SKAP1: variants seen among roughly 807,000 people sequenced by gnomAD.
SKAP1 encodes the protein src kinase-associated phosphoprotein 1.
In SKAP1, 44 loss-of-function variants were observed where a neutral mutation model predicts 58.5. The ratio of observed to expected loss-of-function variants is 0.75; its 90% CI spans 0.59 to 0.97. The LOEUF is 0.97. SKAP1 is among the 50% of genes least tolerant of loss of function. The pLI is 0.00. For missense variants in SKAP1, 390 were observed against 435.2 expected (o/e 0.90, Z 0.92); for synonymous variants, 127 against 149.7 (o/e 0.85, Z 1.11).
intron 2 of SKAP1, among the ~76,000 whole-genome samples, chr17:48,394,061 C>A (rs1340310536): frequency 6.6e-6 from 1 of 152,008 alleles, no homozygotes; most frequent in Non-Finnish European, 1.5e-5. Flanking sequence ...CACAGTGACA[C>A]CCTGTCTCTA....
At chr17:48,250,286 T>G (rs1046402484) in intron 4 of SKAP1, among the ~76,000 whole-genome samples, 4 of 122,906 alleles carry the variant, frequency 3.3e-5, no homozygotes, top group Admixed American at 7.6e-5. Context: ...TTTTTTTTTT[T>G]TTTTTTTTTT....
intron 4 of SKAP1, among the ~76,000 whole-genome samples, chr17:48,299,474 C>T (rs987914933): frequency 6.6e-6 from 1 of 152,154 alleles, no homozygotes; most frequent in Non-Finnish European, 1.5e-5. Flanking sequence ...GGGAGGCTGT[C>T]ACTCTGTGGC....
intron 2 of SKAP1, among the ~76,000 whole-genome samples, chr17:48,387,221 A>G (rs1269227606): frequency 1.3e-5 from 2 of 152,248 alleles, no homozygotes; most frequent in Admixed American, 6.5e-5. Flanking sequence ...ATTCTTTTAA[A>G]GAATAGTATC....
intron 4 of SKAP1, among the ~76,000 whole-genome samples, chr17:48,258,060 C>A (rs2065446041): frequency 6.6e-6 from 1 of 152,052 alleles, no homozygotes; most frequent in South Asian, 2.1e-4. Flanking sequence ...TCATGACACA[C>A]TAGTGCTTTA....
chr17:48,444,382 T>G, the SKAP1 span, among the ~76,000 whole-genome samples: 1 of 152,124 alleles, frequency 6.6e-6, no homozygotes, highest in Non-Finnish European at 1.5e-5. Context: ...AGGGTGAGAC[T>G]CCGTCTCAAA....
rs555739301 is a variant in SKAP1, at chr17:48,162,537, C to G, written c.910G>C (p.Asp304His). ...TCATCTGGCTGGTCACCATGGCAAT[C>G]CCATAGGCCCTGGTAGTAACTGGCA... ...DYASYYQGLW[D>H]CHGDQPDELS... is the part of the protein sequence containing the mutation. The change falls in exon 11 of 13, where the codon GAT becomes CAT. Residue 304 changes from aspartate to histidine, a missense_variant. Asp to His is a moderately conservative substitution (Grantham distance 81). Transcript: ENST00000336915. The G allele has an allele frequency of 6.2e-7, 1 of 1,613,696 alleles. No homozygotes were observed. The highest frequency in any genetic ancestry group is 1.1e-5 in the South Asian group (1 of 91,014).
intron 4 of SKAP1, among the ~76,000 whole-genome samples, chr17:48,194,904 G>C (rs940989763): frequency 6.6e-6 from 1 of 152,158 alleles, no homozygotes; most frequent in African/African-American, 2.4e-5. Context: ...TAAAAAACCT[G>C]GGGATTGGGT....
chr17:48,135,144 G>A (rs1296895205), intron 12 of SKAP1, among the ~76,000 whole-genome samples: 1 of 152,192 alleles, frequency 6.6e-6, no homozygotes, highest in Non-Finnish European at 1.5e-5. Context: ...AAGGGCATTG[G>A]AGAATAAGAT....
At chr17:48,190,517 A>G (rs1218932604) in intron 4 of SKAP1, among the ~76,000 whole-genome samples, 2 of 152,214 alleles carry the variant, frequency 1.3e-5, no homozygotes, top group Non-Finnish European at 2.9e-5. Flanking sequence ...TTTAATGAGT[A>G]ATAGATTCCA....
intron 4 of SKAP1, among the ~76,000 whole-genome samples, chr17:48,191,478 T>C (rs1182597948): frequency 1.3e-5 from 2 of 152,254 alleles, no homozygotes. Context: ...TTGAGAGTTA[T>C]GGTTGAAATA....
At chr17:48,171,734 A>AGTGTGTGTGTGTGTGTGTGT (rs3221423) in intron 9 of SKAP1, among the ~76,000 whole-genome samples, 1 of 148,988 alleles carries the variant, frequency 6.7e-6, no homozygotes, top group African/African-American at 2.5e-5. Context: ...AGGATGTTAG[A>AGTGTGTGTGTGTGTGTGTGT]GTGTGTGTGT....
chr17:48,361,029 G>C (rs951582282), intron 3 of SKAP1, among the ~76,000 whole-genome samples: 1 of 151,846 alleles, frequency 6.6e-6, no homozygotes, highest in African/African-American at 2.4e-5. Flanking sequence ...GTGATGAAAC[G>C]TTCTGAAATT....
chr17:48,210,360 G>T (rs1276263116), intron 4 of SKAP1, among the ~76,000 whole-genome samples: 1 of 152,152 alleles, frequency 6.6e-6, no homozygotes, highest in African/African-American at 2.4e-5. Context: ...GTGGGGCTGA[G>T]GCATGTTTAT....
chr17:48,344,816 G>GA (rs901230060), intron 4 of SKAP1, among the ~76,000 whole-genome samples: 1 of 151,302 alleles, frequency 6.6e-6, no homozygotes, highest in Non-Finnish European at 1.5e-5. Context: ...CAGTGAAAGG[G>GA]AAAAAAAACA....
intron 12 of SKAP1, among the ~76,000 whole-genome samples, chr17:48,135,725 C>T (rs2063689367): frequency 6.6e-6 from 1 of 152,168 alleles, no homozygotes; most frequent in African/African-American, 2.4e-5. Context: ...CCTGCCTTGG[C>T]CTCCTGAAGT....
chr17:48,369,772 A>G (rs1417878923), intron 2 of SKAP1, among the ~76,000 whole-genome samples: 1 of 152,224 alleles, frequency 6.6e-6, no homozygotes, highest in Non-Finnish European at 1.5e-5. Flanking sequence ...CTTACCCATC[A>G]TAAGAAAGCT....
chr17:48,430,113 G>A lies in SKAP1; in HGVS notation c.8C>T (p.Ala3Val). The A allele has an allele frequency of 7.9e-6, 10 of 1,262,064 alleles. No individual in the cohort carries two copies. Among genetic ancestry groups the A allele is most frequent in the Non-Finnish European group, 1.0e-5 (10 of 995,770 alleles). 78.2% of individuals were successfully genotyped at this position (1,262,064 alleles called of 1,614,324 possible). Residue 3 changes from alanine (A) to valine (V), a missense_variant, in exon 1 of 13, where the codon GCC becomes GTC. Coordinates refer to ENST00000336915, the MANE Select transcript of SKAP1 (RefSeq NM_003726.4). ...ACGGATCTCCTCAGGGAGGGCGGCG[G>A]CCTGCATTTGGCTGGGCGGGAGAGA... Reference protein sequence around the residue: MQAAALPEEIRWL... With the variant: MQVAALPEEIRWL...
chr17:48,233,495 T>C (rs2065146096), intron 4 of SKAP1, among the ~76,000 whole-genome samples: 1 of 151,134 alleles, frequency 6.6e-6, no homozygotes, highest in Non-Finnish European at 1.5e-5. Context: ...GAATAGTCTG[T>C]AATTTAAACA....
intron 11 of SKAP1, among the ~76,000 whole-genome samples, chr17:48,155,779 C>T (rs1258416241): frequency 3.3e-5 from 5 of 152,162 alleles, no homozygotes; most frequent in Non-Finnish European, 7.4e-5. Flanking sequence ...ATCGCTTGAA[C>T]CCGGGAGGCA....
Sources: allele counts gnomAD v4.1 joint callset (sites outside exome capture counted in the v4.1 genomes callset), GRCh38; gene constraint gnomAD v4.1.1; transcripts MANE v1.5; gene names NCBI Gene and HGNC (gene_info 2026-07-23, HGNC 2026-07-21).